GABRA3: variants seen among roughly 807,000 people sequenced by gnomAD.
The protein encoded by GABRA3 is gamma-aminobutyric acid type A receptor subunit alpha3, also known as gamma-aminobutyric acid receptor subunit alpha-3.
In GABRA3, 10 loss-of-function variants were observed where a neutral mutation model predicts 30.1. The observed-to-expected ratio is 0.33, with a 90% CI of 0.20 to 0.56. The LOEUF is 0.56. Among genes scored for constraint, GABRA3 ranks in the 20% least tolerant of loss-of-function variants. The pLI is 0.89. For missense variants in GABRA3, 233 were observed against 392.0 expected, an observed-to-expected ratio of 0.59 and a Z score of 3.42; for synonymous variants, 151 against 146.8, an observed-to-expected ratio of 1.03 and a Z score of -0.21.
At chrX:152,385,145 T>A (rs1311428712) in intron 1 of GABRA3, among the ~76,000 whole-genome samples, 1 of 111,704 alleles carries the variant, frequency 9.0e-6, no homozygotes, top group South Asian at 3.7e-4. Context: ...GCACAAGAGA[T>A]CTCTTACACT....
chrX:152,199,298 G>A (rs747968400), intron 7 of GABRA3, among the ~76,000 whole-genome samples: 12 of 104,592 alleles, frequency 1.1e-4, no homozygotes, highest in East Asian at 5.9e-4. Context: ...CCCAGGAGGC[G>A]GAGCTGGCAG....
At chrX:152,394,629 T>C (rs1929602634) in intron 1 of GABRA3, 1 of 275,454 alleles carries the variant, frequency 3.6e-6, no homozygotes, top group Non-Finnish European at 7.3e-6. Context: ...TCATTCCCAG[T>C]ACAAGTAGAC....
intron 5 of GABRA3, among the ~76,000 whole-genome samples, chrX:152,235,445 G>T (rs1038174560): frequency 9.0e-6 from 1 of 111,143 alleles, no homozygotes; most frequent in African/African-American, 3.3e-5. Context: ...ACATTAAATT[G>T]TCTCTGTCTG....
chrX:152,250,648 T>C (rs1938537371), intron 5 of GABRA3: 1 of 111,130 alleles, frequency 9.0e-6, no homozygotes, highest in Non-Finnish European at 1.9e-5. Flanking sequence ...TTGTTCCAAT[T>C]TTAGTATGTG....
At chrX:152,194,736 T>C (rs1258677720) in intron 8 of GABRA3, among the ~76,000 whole-genome samples, 1 of 111,429 alleles carries the variant, frequency 9.0e-6, no homozygotes, top group Non-Finnish European at 1.9e-5. Context: ...TCCATATATA[T>C]GGCTGTATTT....
chrX:152,181,649 C>T (rs748007060), intron 9 of GABRA3, among the ~76,000 whole-genome samples: 85 of 108,858 alleles, frequency 7.8e-4, no homozygotes, highest in Non-Finnish European at 1.4e-3. Flanking sequence ...GGAAGGGGAA[C>T]ATCACACTCT....
At chrX:152,193,749 A>G (rs1937351904) in intron 8 of GABRA3, among the ~76,000 whole-genome samples, 1 of 112,590 alleles carries the variant, frequency 8.9e-6, no homozygotes, top group Non-Finnish European at 1.9e-5. Context: ...CTGGAATCCC[A>G]GCCCTTTGGG....
Position 152,239,168 on chromosome X carries a change from C to T in GABRA3, c.552-14323G>A, listed in dbSNP as rs1319274057. 1.2e-3 allele frequency among the ~76,000 whole-genome samples: 109 copies of T among 94,232 alleles called. 1 individual carries two copies. Among genetic ancestry groups the T allele is most frequent in the African/African-American group, 3.6e-3 (90 of 24,940 alleles). The allele number at this position is 94,232 out of a possible 115,157, so 81.8% of individuals were successfully genotyped here. On this transcript the variant is annotated intron_variant, in intron 5 of 9. Coordinates refer to ENST00000370314, the MANE Select transcript of GABRA3 (RefSeq NM_000808.4). ...TTCCCTCTACACACTGCTTTGAATG[C>T]GTCCCAGAGATTCTGGTATGTTGTG... is the stretch of plus-strand genomic sequence containing the variant.
chrX:152,229,493 T>A (rs903122651), intron 5 of GABRA3, among the ~76,000 whole-genome samples: 13 of 110,532 alleles, frequency 1.2e-4, no homozygotes, highest in African/African-American at 4.3e-4. Context: ...ACTGAGTAGG[T>A]GACATTTGAG....
chrX:152,447,964 C>G (rs1198580642), intron 1 of GABRA3, among the ~76,000 whole-genome samples: 1 of 112,099 alleles, frequency 8.9e-6, no homozygotes, highest in Non-Finnish European at 1.9e-5. Flanking sequence ...AATGTTACAG[C>G]AATTTGAAAA....
chrX:152,326,415 T>A (rs952623590), intron 3 of GABRA3, among the ~76,000 whole-genome samples: 7 of 110,811 alleles, frequency 6.3e-5, no homozygotes, highest in Admixed American at 4.8e-4. Context: ...GATTCACCAA[T>A]GTTGAAATGA....
intron 1 of GABRA3, among the ~76,000 whole-genome samples, chrX:152,375,819 T>G (rs769342019): frequency 6.3e-4 from 71 of 112,409 alleles, no homozygotes; most frequent in Non-Finnish European, 1.2e-3. Context: ...TTTAAACCTT[T>G]GTCATTCTTC....
intron 4 of GABRA3, among the ~76,000 whole-genome samples, chrX:152,275,337 A>T (rs1428360966): frequency 1.2e-5 from 1 of 83,057 alleles, no homozygotes; most frequent in African/African-American, 5.2e-5. Context: ...TATATTTAAT[A>T]TTATATATAA....
intron 1 of GABRA3, among the ~76,000 whole-genome samples, chrX:152,397,294 T>C (rs1054849286): frequency 3.6e-5 from 4 of 112,356 alleles, no homozygotes; most frequent in African/African-American, 1.3e-4. Context: ...AAGCAAACTT[T>C]AATATGCCAA....
chrX:152,261,911 C>A (rs1236339980), intron 4 of GABRA3, among the ~76,000 whole-genome samples: 2 of 112,711 alleles, frequency 1.8e-5, no homozygotes, highest in Admixed American at 1.9e-4. Flanking sequence ...GAGTGTTCTG[C>A]CCCTGCAGCA....
intron 1 of GABRA3, among the ~76,000 whole-genome samples, chrX:152,378,813 T>G (rs953243287): frequency 2.9e-5 from 3 of 103,384 alleles, no homozygotes; most frequent in African/African-American, 1.1e-4. Context: ...AAGTTGACAG[T>G]ATATATGTTA....
At chrX:152,223,383 C>G (rs752488308) in intron 6 of GABRA3, among the ~76,000 whole-genome samples, 2 of 111,701 alleles carry the variant, frequency 1.8e-5, no homozygotes, top group East Asian at 5.7e-4. Context: ...TTAAAAATTC[C>G]TAGTAATTAT....
chrX:152,353,411 T>C (rs186184350), intron 2 of GABRA3, among the ~76,000 whole-genome samples: 7 of 111,943 alleles, frequency 6.3e-5, no homozygotes, highest in African/African-American at 2.3e-4. Flanking sequence ...CAGGGGTACA[T>C]TCTTCCTTTG....
chrX:152,238,370 T>G (rs1276977647), intron 5 of GABRA3, among the ~76,000 whole-genome samples: 3 of 101,959 alleles, frequency 2.9e-5, no homozygotes, highest in East Asian at 3.3e-4. Flanking sequence ...ATAAGCTTTT[T>G]GATGTGCTGC....
Sources: allele counts gnomAD v4.1 joint callset (sites outside exome capture counted in the v4.1 genomes callset), GRCh38; gene constraint gnomAD v4.1.1; transcripts MANE v1.5; gene names NCBI Gene and HGNC (gene_info 2026-07-23, HGNC 2026-07-21).